RMND5B: variants seen among roughly 807,000 people sequenced by gnomAD.
RMND5B encodes required for meiotic nuclear division 5 homolog B, also known as E3 ubiquitin-protein transferase RMND5B.
A neutral mutation model predicts 50.4 loss-of-function variants in RMND5B; 42 were observed. The ratio of observed to expected loss-of-function variants is 0.83; its 90% CI spans 0.65 to 1.08. The LOEUF (loss-of-function observed/expected upper bound fraction) is 1.08. RMND5B is among the 50% of genes least tolerant of loss of function. The probability of loss-of-function intolerance (pLI) is 0.00; values close to 1 mark genes in which losing one functional copy is unlikely to be tolerated. For missense variants in RMND5B, 463 were observed against 508.5 expected (o/e 0.91, Z 0.86); for synonymous variants, 220 against 210.0 (o/e 1.05, Z -0.41).
chr5:178,143,543 G>A (rs1318596945), intron 5 of RMND5B, 84 bp from the exon 6 acceptor site: 18 of 1,074,500 alleles, frequency 1.7e-5, no homozygotes, highest in East Asian at 4.8e-5. Context: ...TGTCTTTGGC[G>A]GGTGAGCTTT....
At chr5:178,136,610 G>A (rs1216012225) in intron 2 of RMND5B, among the ~76,000 whole-genome samples, 5 of 152,040 alleles carry the variant, frequency 3.3e-5, no homozygotes, top group Admixed American at 2.6e-4. Flanking sequence ...TGCTGAGGCC[G>A]GGACTCATGC....
intron 2 of RMND5B, among the ~76,000 whole-genome samples, chr5:178,134,592 T>G (rs987787621): frequency 3.3e-5 from 5 of 152,186 alleles, no homozygotes; most frequent in African/African-American, 9.7e-5. Context: ...TGGCTTGCTC[T>G]AGACAGACTG....
rs1382503808 is a variant in RMND5B, at chr5:178,138,644, G to A, written c.139+386G>A. Among the ~76,000 whole-genome samples the A allele has an allele frequency of 2.0e-5, 3 of 151,676 alleles. No homozygotes were observed. The highest frequency in any genetic ancestry group is 2.1e-4 in the South Asian group (1 of 4,808). ...CTCCCAAAGTGCTGGAATTATATGCGTGAGCCACCATGCCTGGCCTATTTT... is the reference window on the plus strand; with the variant it reads ...CTCCCAAAGTGCTGGAATTATATGCATGAGCCACCATGCCTGGCCTATTTT... On this transcript the variant is annotated intron_variant, in intron 3 of 10. Transcript: ENST00000313386. This position sits in a 1 kb window ranked among gnomAD's most constrained non-coding sequence, Gnocchi z 5.1.
In RMND5B at chr5:178,150,243, T is replaced by A. The variant is rs1756233534; in HGVS notation, c.*2211T>A. On this transcript the variant is annotated 3_prime_UTR_variant, in exon 11 of 11. Coordinates refer to ENST00000313386, the MANE Select transcript of RMND5B (RefSeq NM_022762.5). The stretch of plus-strand genomic sequence containing the variant: ...TACAAAGCTCTTTCACATACATCTA[T>A]CTCTTTATTCTCATAGTCCACAGAT... The A allele has an allele frequency of 4.6e-6, 1 of 215,600 alleles. No homozygotes were observed. Among genetic ancestry groups the A allele is most frequent in the African/African-American group, 2.3e-5 (1 of 42,858 alleles). The allele number at this position is 215,600 out of a possible 1,614,324, so 13.4% of individuals were successfully genotyped here.
chr5:178,145,031 T>C (rs1012670601), intron 7 of RMND5B, among the ~76,000 whole-genome samples: 4 of 152,186 alleles, frequency 2.6e-5, no homozygotes, highest in Non-Finnish European at 5.9e-5. Context: ...AAAATAAATA[T>C]GAAAACCAAG....
At position 178,148,532 on chromosome 5, in the gene RMND5B, A is replaced by C. The variant is rs1191797130; in HGVS notation, c.*500A>C. 1.8e-5 allele frequency: 3 copies of C among 169,192 alleles called. No individual in the cohort carries two copies. The highest frequency in any genetic ancestry group is 7.2e-5 in the African/African-American group (3 of 41,812). The allele number at this position is 169,192 out of a possible 1,614,324, so 10.5% of individuals were successfully genotyped here. A position where few individuals can be genotyped will look rare whatever the true frequency, so the allele number is the denominator to read the frequency against. On this transcript the variant is annotated 3_prime_UTR_variant, in exon 11 of 11. Coordinates refer to ENST00000313386, the MANE Select transcript of RMND5B (RefSeq NM_022762.5). ...AGTTAGAACGGAATGCCGTTGTTTT[A>C]TAACTTTGAACAAATGTATTTACTG...
intron 8 of RMND5B, chr5:178,147,031 C>T (rs888865089): frequency 5.7e-6 from 1 of 173,962 alleles, no homozygotes; most frequent in African/African-American, 2.4e-5. Flanking sequence ...CGCAGGACTA[C>T]CCTGTGCACT....
Position 178,149,807 on chromosome 5 carries a change from G to A in RMND5B, c.*1775G>A. 1 of 1,613,860 alleles carries A rather than the reference G, an allele frequency of 6.2e-7. No individual in the cohort carries two copies. Among genetic ancestry groups the A allele is most frequent in the South Asian group, 1.1e-5 (1 of 91,036 alleles). Reference sequence around the variant, plus strand: ...GGGCTTGACCATTATCACACAGGTGGGGCGCTTGGAGCCTGCGGCTGCACC... The same window carrying A: ...GGGCTTGACCATTATCACACAGGTGAGGCGCTTGGAGCCTGCGGCTGCACC... On this transcript the variant is annotated 3_prime_UTR_variant, in exon 11 of 11. Transcript: ENST00000313386.
chr5:178,134,314 A>T (rs1443143670), intron 2 of RMND5B, among the ~76,000 whole-genome samples: 1 of 152,224 alleles, frequency 6.6e-6, no homozygotes, highest in Non-Finnish European at 1.5e-5. Context: ...AGGGCACTCT[A>T]AAAATGGGAA....
intron 3 of RMND5B, among the ~76,000 whole-genome samples, chr5:178,140,093 T>C (rs1006724483): frequency 1.3e-5 from 2 of 152,246 alleles, no homozygotes; most frequent in East Asian, 3.8e-4. Context: ...TTTTGCATTT[T>C]TGGCAGTACT....
At position 178,147,717 on chromosome 5, in the gene RMND5B, T is replaced by C. The variant is rs1175319649; in HGVS notation, c.964-12T>C. 3 of 1,614,176 alleles carry C rather than the reference T, an allele frequency of 1.9e-6. No homozygotes were observed. In the South Asian group the frequency reaches 3.3e-5, roughly 18 times the overall value. ...AGGAAGTGGAACTCACCCGCTTCGC[T>C]GCCCTTCCCAGATTGAGATTGAACT... is the stretch of plus-strand genomic sequence containing the variant. On this transcript the variant is annotated splice_polypyrimidine_tract_variant and intron_variant, in intron 9 of 10. Transcript: ENST00000313386.
chr5:178,145,098 T>C (rs1414863196), intron 7 of RMND5B, among the ~76,000 whole-genome samples: 2 of 152,052 alleles, frequency 1.3e-5, no homozygotes, highest in African/African-American at 4.8e-5. Flanking sequence ...CAGGCTGGAG[T>C]GCAGTAAGTG....
rs111290494 is a variant in RMND5B at position 178,142,977 on chromosome 5, C to G, written c.411C>G (p.Ala137=). 4 of 1,613,510 alleles carry G rather than the reference C, an allele frequency of 2.5e-6. No homozygotes were observed. Among genetic ancestry groups the G allele is most frequent in the Non-Finnish European group, 3.4e-6 (4 of 1,179,654 alleles). ...ATCAGCAGGGCATGCTCAGCGTGGC[C>G]GAGGAGCTGTGCCAGGTACAGTCGG... ...HLYQQGMLSV[A]EELCQESTLN... Residue 137 remains alanine, a synonymous_variant, in exon 5 of 11, where the codon GCC becomes GCG. Transcript: ENST00000313386.
At chr5:178,146,065 G>A (rs1269718750) in intron 7 of RMND5B, 49 bp from the exon 8 acceptor site, 1 of 1,591,222 alleles carries the variant, frequency 6.3e-7, no homozygotes, top group Non-Finnish European at 8.6e-7. Flanking sequence ...CTTGGGGGTG[G>A]ACCCAGAGCC....
chr5:178,148,610 CAT>C lies in RMND5B; in HGVS notation c.*579_*580del, dbSNP rs1756174038. 6.4e-6 allele frequency: 1 copy of C among 155,974 alleles called. No homozygotes were observed. Among genetic ancestry groups the C allele is most frequent in the Non-Finnish European group, 1.4e-5 (1 of 70,578 alleles). The allele number at this position is 155,974 out of a possible 1,614,324, so 9.7% of individuals were successfully genotyped here. ...TAGCCTCACTGACAAATTATGACCA[CAT>C]GTCTACCACACACAGGGACTGGGCA... On this transcript the variant is annotated 3_prime_UTR_variant, in exon 11 of 11. Coordinates refer to ENST00000313386, the MANE Select transcript of RMND5B (RefSeq NM_022762.5).
In RMND5B at chr5:178,144,072, C is replaced by T. The variant is rs1007932088; in HGVS notation, c.658C>T (p.Arg220Trp). 14 of 1,614,044 alleles carry T rather than the reference C, an allele frequency of 8.7e-6. No homozygotes were observed. The highest frequency in any genetic ancestry group is 6.7e-5 in the East Asian group (3 of 44,894). Residue 220 changes from arginine (R) to tryptophan (W), a missense_variant, in exon 7 of 11, where the codon CGG (arginine) becomes TGG (tryptophan). Physicochemically the swap from Arg to Trp is moderately radical, Grantham distance 101. Transcript: ENST00000313386. ...AKQLEALSYARHFQPFARLHQ... is the reference protein window; with the variant it reads ...AKQLEALSYAWHFQPFARLHQ... ...GCAGCTGGAGGCCCTCAGCTATGCT[C>T]GGCACTTCCAGCCCTTTGCTCGGCT... is the stretch of plus-strand genomic sequence containing the variant.
At chr5:178,147,462 C>G in intron 8 of RMND5B, 71 bp from the exon 9 acceptor site, 4 of 1,219,630 alleles carry the variant, frequency 3.3e-6, no homozygotes, top group Non-Finnish European at 4.7e-6. Flanking sequence ...CATGCTGAAG[C>G]ATGGCGCGCT....
rs551568824 is a variant in RMND5B, at chr5:178,138,227, G to A, written c.108G>A (p.Val36=). Residue 36 remains valine (V), a synonymous_variant, in exon 3 of 11, where the codon GTG becomes GTA. Transcript: ENST00000313386. This position sits in a 1 kb window ranked among gnomAD's most constrained non-coding sequence, Gnocchi z 5.1. ...ERSLEELLHY[V]GQLRAELASA... The stretch of plus-strand genomic sequence containing the variant: ...GCCTGGAGGAGCTGCTGCACTACGT[G>A]GGCCAGCTGCGGGCTGAGCTGGCCA... The A allele has an allele frequency of 5.1e-5, 82 of 1,613,818 alleles. 1 individual carries two copies. The South Asian group carries it at 8.8e-4, about 17-fold the overall frequency.
At chr5:178,144,152 A>G (rs368001512) in intron 7 of RMND5B, 44 bp downstream of exon 7, 10 of 1,590,644 alleles carry the variant, frequency 6.3e-6, no homozygotes, top group African/African-American at 5.4e-5. Flanking sequence ...GGCCTGACAC[A>G]TGTCTGGATG....
Sources: allele counts gnomAD v4.1 joint callset (sites outside exome capture counted in the v4.1 genomes callset), GRCh38; gene constraint gnomAD v4.1.1; non-coding constraint Gnocchi (gnomAD v3.1); transcripts MANE v1.5; gene names NCBI Gene and HGNC (gene_info 2026-07-23, HGNC 2026-07-21).